Variants in CTNNA2 observed in about 807,000 individuals in gnomAD.
The protein encoded by CTNNA2 is catenin alpha 2.
CTNNA2 carries 42 observed loss-of-function variants against 101.0 expected under a neutral mutation model. The ratio of observed to expected loss-of-function variants is 0.42; its 90% CI spans 0.32 to 0.54. CTNNA2 has a LOEUF of 0.54. CTNNA2 is among the 20% of genes least tolerant of loss of function. The pLI is 0.14. For missense variants in CTNNA2, 871 were observed against 1,223.1 expected (o/e 0.71, Z 4.29); for synonymous variants, 450 against 456.4 (o/e 0.99, Z 0.18).
At chr2:79,592,484 A>C (rs148208952) in intron 1 of CTNNA2, among the ~76,000 whole-genome samples, 306 of 152,026 alleles carry the variant, frequency 2.0e-3, no homozygotes, top group African/African-American at 7.1e-3. Flanking sequence ...ATGTGGGAAA[A>C]TTTCTTCATT....
At chr2:79,991,371 T>G (rs1411777539) in intron 7 of CTNNA2, among the ~76,000 whole-genome samples, 1 of 152,160 alleles carries the variant, frequency 6.6e-6, no homozygotes, top group Non-Finnish European at 1.5e-5. Context: ...TTTTTTTCCA[T>G]GAGCTTTTCA....
chr2:80,018,705 C>T (rs1206819245), intron 7 of CTNNA2, among the ~76,000 whole-genome samples: 2 of 150,370 alleles, frequency 1.3e-5, no homozygotes, highest in African/African-American at 4.9e-5. Flanking sequence ...CGTTTGAACC[C>T]GGGAGACAGA....
intron 9 of CTNNA2, among the ~76,000 whole-genome samples, chr2:80,473,745 G>T (rs1685499209): frequency 6.6e-6 from 1 of 152,162 alleles, no homozygotes; most frequent in Non-Finnish European, 1.5e-5. Flanking sequence ...TGTACATCCT[G>T]AGTGATCAAA....
At chr2:79,291,343 T>A (rs2104379254) in intron 2 of CTNNA2, among the ~76,000 whole-genome samples, 1 of 152,274 alleles carries the variant, frequency 6.6e-6, no homozygotes, top group Non-Finnish European at 1.5e-5. Context: ...GTCTCAGACA[T>A]ATCCAGAAGA....
chr2:80,007,968 C>G (rs935492612), intron 7 of CTNNA2, among the ~76,000 whole-genome samples: 2 of 152,190 alleles, frequency 1.3e-5, no homozygotes, highest in African/African-American at 4.8e-5. Context: ...ACTTCATTAA[C>G]TTGTAATGTT....
At chr2:80,270,688 T>A (rs1160705543) in intron 7 of CTNNA2, among the ~76,000 whole-genome samples, 2 of 152,222 alleles carry the variant, frequency 1.3e-5, no homozygotes, top group Non-Finnish European at 2.9e-5. Flanking sequence ...TTGAGTGATA[T>A]CATTTTCAAC....
At chr2:80,355,119 C>T (rs1226805207) in intron 7 of CTNNA2, among the ~76,000 whole-genome samples, 1 of 152,168 alleles carries the variant, frequency 6.6e-6, no homozygotes. Context: ...GGCAATGAAT[C>T]TTCTTCCTAA....
At chr2:79,700,204 A>C (rs1231278251) in intron 2 of CTNNA2, among the ~76,000 whole-genome samples, 1 of 152,122 alleles carries the variant, frequency 6.6e-6, no homozygotes, top group Admixed American at 6.6e-5. Context: ...TAACATATCT[A>C]TGCAATAATC....
At chr2:80,246,029 C>T (rs1053373182) in intron 7 of CTNNA2, among the ~76,000 whole-genome samples, 6 of 151,922 alleles carry the variant, frequency 3.9e-5, no homozygotes, top group Non-Finnish European at 7.4e-5. Flanking sequence ...CTCCTGACCT[C>T]GTGATCCGCC....
At chr2:80,409,601 G>A (rs1316058335) in intron 8 of CTNNA2, among the ~76,000 whole-genome samples, 1 of 152,190 alleles carries the variant, frequency 6.6e-6, no homozygotes, top group Non-Finnish European at 1.5e-5. Context: ...TTAAATGCCA[G>A]TGGAAGGAAT....
chr2:80,269,568 G>A (rs1673295125), intron 7 of CTNNA2, among the ~76,000 whole-genome samples: 1 of 151,784 alleles, frequency 6.6e-6, no homozygotes, highest in Non-Finnish European at 1.5e-5. Context: ...TGTTAGTATT[G>A]TCCTATATCA....
At chr2:79,979,693 G>T (rs1691119717) in intron 7 of CTNNA2, among the ~76,000 whole-genome samples, 1 of 151,936 alleles carries the variant, frequency 6.6e-6, no homozygotes, top group Admixed American at 6.6e-5. Context: ...CAAAAAGAAA[G>T]TGAGAAAATC....
At chr2:79,304,375 A>G (rs1317017165) in intron 2 of CTNNA2, among the ~76,000 whole-genome samples, 7 of 152,210 alleles carry the variant, frequency 4.6e-5, no homozygotes, top group African/African-American at 9.6e-5. Flanking sequence ...GTATCTTAGT[A>G]TTCTAAAACT....
intron 7 of CTNNA2, among the ~76,000 whole-genome samples, chr2:80,266,511 T>C (rs1444311430): frequency 7.9e-5 from 12 of 152,312 alleles, no homozygotes; most frequent in Non-Finnish European, 1.5e-4. Context: ...ACACCTCAGG[T>C]GCGCTGAAAG....
chr2:79,538,564 G>T (rs1157508731), intron 1 of CTNNA2, among the ~76,000 whole-genome samples: 1 of 152,110 alleles, frequency 6.6e-6, no homozygotes, highest in Admixed American at 6.6e-5. Context: ...CCTTGCTATC[G>T]AGCAGATTTT....
At chr2:79,490,524 C>T (rs1671198112) in intron 4 of CTNNA2, among the ~76,000 whole-genome samples, 1 of 152,060 alleles carries the variant, frequency 6.6e-6, no homozygotes, top group Non-Finnish European at 1.5e-5. Context: ...GGATTATTTC[C>T]CTCTCACTCC....
At chr2:79,576,234 T>G (rs1456113697) in intron 1 of CTNNA2, among the ~76,000 whole-genome samples, 1 of 152,204 alleles carries the variant, frequency 6.6e-6, no homozygotes, top group Non-Finnish European at 1.5e-5. Flanking sequence ...GATGTCTAGC[T>G]GTGTTTGCTC....
intron 3 of CTNNA2, among the ~76,000 whole-genome samples, chr2:79,775,799 C>T (rs1348002670): frequency 6.6e-6 from 1 of 152,188 alleles, no homozygotes; most frequent in Non-Finnish European, 1.5e-5. Flanking sequence ...CCACCACCTC[C>T]ACCACCAGCT....
chr2:79,371,444 C>T (rs960424246), intron 3 of CTNNA2, among the ~76,000 whole-genome samples: 2 of 151,930 alleles, frequency 1.3e-5, no homozygotes, highest in Non-Finnish European at 2.9e-5. Flanking sequence ...TATGGAAAGT[C>T]GGAGTGGGAA....
Sources: gnomAD v4.1 joint callset for allele counts (sites outside exome capture counted in the v4.1 genomes callset) on GRCh38, gnomAD v4.1.1 for gene constraint, MANE v1.5 for transcripts, NCBI Gene and HGNC (gene_info 2026-07-23, HGNC 2026-07-21) for gene names.